The following TEK variants were observed in gnomAD, a reference collection of about 807,000 sequenced individuals.
TEK encodes angiopoietin-1 receptor.
In TEK, 43 loss-of-function variants were observed where a neutral mutation model predicts 131.8. That is an observed-to-expected ratio of 0.33 (90% confidence interval 0.26 to 0.42). The LOEUF is 0.42. Among genes scored for constraint, TEK ranks in the 10% least tolerant of loss-of-function variants. TEK has a pLI of 1.00. For synonymous variants in TEK, 580 were observed against 491.6 expected (o/e 1.18, Z -2.38); for missense variants, 1,162 against 1,384.4 (o/e 0.84, Z 2.55).
intron 1 of TEK, among the ~76,000 whole-genome samples, chr9:27,113,820 C>T (rs140650136): frequency 6.6e-5 from 10 of 152,272 alleles, no homozygotes; most frequent in African/African-American, 2.2e-4. Context: ...GCCAACTACC[C>T]ATCTACCCTC....
rs1824315701 is a variant in TEK, at chr9:27,180,296, G to A, written c.958G>A (p.Gly320Arg). The stretch of plus-strand genomic sequence containing the variant: ...TAAGCTTAGGTGCAGCTGCAACAAT[G>A]GGGAGATGTGTGATCGCTTCCAAGG... The part of the protein sequence containing the change: ...DCKLRCSCNN[G>R]EMCDRFQGCL... The change falls in exon 7 of 23, where the codon GGG becomes AGG. Residue 320 changes from glycine (G) to arginine (R), a missense_variant. Physicochemically the swap from Gly to Arg is moderately radical, Grantham distance 125. Coordinates refer to ENST00000380036, the MANE Select transcript of TEK (RefSeq NM_000459.5). 6.2e-7 allele frequency: 1 copy of A among 1,613,776 alleles called. No homozygotes were observed. Among genetic ancestry groups the A allele is most frequent in the South Asian group, 1.1e-5 (1 of 91,066 alleles).
chr9:27,139,091 C>T (rs542612724), intron 1 of TEK, among the ~76,000 whole-genome samples: 1 of 151,244 alleles, frequency 6.6e-6, no homozygotes, highest in East Asian at 2.0e-4. Flanking sequence ...CGTCTGTAGT[C>T]CCAGCTACTC....
At chr9:27,130,095 A>T (rs1230997858) in intron 1 of TEK, among the ~76,000 whole-genome samples, 2 of 152,242 alleles carry the variant, frequency 1.3e-5, no homozygotes, top group Non-Finnish European at 2.9e-5. Flanking sequence ...CAGGAAGAAT[A>T]GCTGAAAAAA....
chr9:27,216,555 T>A (rs1825827016), intron 18 of TEK, among the ~76,000 whole-genome samples: 1 of 152,104 alleles, frequency 6.6e-6, no homozygotes, highest in South Asian at 2.1e-4. Context: ...GAGGTGTGGA[T>A]GTGGAGGAGA....
intron 1 of TEK, among the ~76,000 whole-genome samples, chr9:27,118,627 C>T (rs1384715162): frequency 6.6e-6 from 1 of 152,070 alleles, no homozygotes; most frequent in East Asian, 1.9e-4. Context: ...ATAGTGAGAC[C>T]TCATCTTAAC....
intron 21 of TEK, among the ~76,000 whole-genome samples, chr9:27,225,833 A>T (rs1256096879): frequency 6.6e-6 from 1 of 152,194 alleles, no homozygotes; most frequent in Non-Finnish European, 1.5e-5. Context: ...TTTGCAATCT[A>T]TCCTTCTGAC....
In TEK at chr9:27,226,631, G is replaced by A. The variant is rs1030305894; in HGVS notation, c.3201-1575G>A. ...GGAGAAATACCTAATGTAGATGACA[G>A]GTTGATGGGTGCAGCAAACCACCAT... On this transcript the variant is annotated intron_variant, in intron 21 of 22. Transcript: ENST00000380036. Among the ~76,000 whole-genome samples, 4 of 152,052 alleles carry A rather than the reference G, an allele frequency of 2.6e-5. No homozygotes were observed. The East Asian group carries it at 5.8e-4, about 22-fold the overall frequency.
intron 21 of TEK, among the ~76,000 whole-genome samples, chr9:27,222,239 A>G (rs1406021275): frequency 6.6e-6 from 1 of 151,742 alleles, no homozygotes; most frequent in East Asian, 1.9e-4. Context: ...ACGTGAAAAG[A>G]CCAAACCTGA....
chr9:27,144,275 C>T (rs959663460), intron 1 of TEK, among the ~76,000 whole-genome samples: 8 of 151,344 alleles, frequency 5.3e-5, no homozygotes, highest in African/African-American at 1.9e-4. Context: ...AGCAAGACTC[C>T]GTCTCAAAAA....
chr9:27,192,041 G>T (rs1022164422), intron 10 of TEK: 1 of 427,730 alleles, frequency 2.3e-6, no homozygotes, highest in African/African-American at 2.1e-5. Flanking sequence ...CATTGTAATA[G>T]TATGACCATT....
intron 7 of TEK, among the ~76,000 whole-genome samples, chr9:27,181,058 C>A (rs1390861552): frequency 6.6e-6 from 1 of 152,090 alleles, no homozygotes; most frequent in Admixed American, 6.6e-5. Context: ...TTCCAATCAT[C>A]CTAATTTCTG....
At chr9:27,216,449 G>A (rs1451879360) in intron 18 of TEK, among the ~76,000 whole-genome samples, 1 of 152,128 alleles carries the variant, frequency 6.6e-6, no homozygotes, top group Non-Finnish European at 1.5e-5. Flanking sequence ...CAGCAGGCTG[G>A]GAGTGAATGA....
intron 1 of TEK, among the ~76,000 whole-genome samples, chr9:27,140,086 G>A (rs368175629): frequency 7.0e-4 from 107 of 152,156 alleles, no homozygotes; most frequent in East Asian, 1.2e-3. Flanking sequence ...CATTTTAATC[G>A]GTTGGTCCAG....
Position 27,144,477 on chromosome 9 carries a change from G to A in TEK, c.53-13354G>A, listed in dbSNP as rs191150947. Among the ~76,000 whole-genome samples the A allele has an allele frequency of 1.8e-3, 275 of 152,272 alleles. 2 individuals carry two copies. Among genetic ancestry groups the A allele is most frequent in the Non-Finnish European group, 7.6e-4 (52 of 68,034 alleles). On this transcript the variant is annotated intron_variant, in intron 1 of 22. Transcript: ENST00000380036. ...AGTTTCTCAAGAACTCTCTCTTAACGAATGCGCATAGGCCTCCGACTCTTG... is the reference window on the plus strand; with the variant it reads ...AGTTTCTCAAGAACTCTCTCTTAACAAATGCGCATAGGCCTCCGACTCTTG...
At chr9:27,134,352 G>A (rs1587496215) in intron 1 of TEK, among the ~76,000 whole-genome samples, 1 of 152,208 alleles carries the variant, frequency 6.6e-6, no homozygotes, top group African/African-American at 2.4e-5. Context: ...ACTCTATTGA[G>A]TGTACACAGT....
At chr9:27,189,941 G>A (rs964098082) in intron 9 of TEK, among the ~76,000 whole-genome samples, 1 of 152,076 alleles carries the variant, frequency 6.6e-6, no homozygotes, top group Non-Finnish European at 1.5e-5. Flanking sequence ...ACTACAAAGA[G>A]TAATAACCCC....
chr9:27,190,731 A>G (rs549684056), intron 10 of TEK, 41 bp downstream of exon 10: 2 of 1,611,478 alleles, frequency 1.2e-6, no homozygotes, highest in Admixed American at 3.3e-5. Context: ...GGGATGTGGC[A>G]CCAGGAGAAT....
chr9:27,202,743 A>G, intron 12 of TEK, 77 bp from the exon 13 acceptor site: 1 of 1,480,672 alleles, frequency 6.8e-7, no homozygotes, highest in Admixed American at 1.7e-5. Flanking sequence ...AGCTGACATG[A>G]ACTCTATCTC....
intron 22 of TEK, among the ~76,000 whole-genome samples, chr9:27,228,855 G>C (rs768690718): frequency 9.9e-5 from 15 of 152,128 alleles, no homozygotes; most frequent in Admixed American, 2.0e-4. Flanking sequence ...ACAGAGGAAG[G>C]AACCCAGAAG....
Sources: allele counts gnomAD v4.1 joint callset (sites outside exome capture counted in the v4.1 genomes callset), GRCh38; gene constraint gnomAD v4.1.1; transcripts MANE v1.5; gene names NCBI Gene and HGNC (gene_info 2026-07-23, HGNC 2026-07-21).